The following COQ7 variants were observed in gnomAD, a reference collection of about 807,000 sequenced individuals.
COQ7 encodes coenzyme Q7, hydroxylase.
Under a neutral mutation model 25.0 loss-of-function variants are expected in COQ7, and 21 were observed. That is an observed-to-expected ratio of 0.84 (90% CI 0.60 to 1.21). The LOEUF is 1.21. COQ7 is among the 50% of genes most tolerant of loss of function. The pLI is 0.00. For synonymous variants in COQ7, 125 were observed against 112.4 expected, an observed-to-expected ratio of 1.11 and a Z score of -0.71; for missense variants, 311 against 296.2, an observed-to-expected ratio of 1.05 and a Z score of -0.37.
intron 2 of COQ7, among the ~76,000 whole-genome samples, chr16:19,073,540 C>T (rs755438450): frequency 6.6e-6 from 1 of 152,122 alleles, no homozygotes; most frequent in Non-Finnish European, 1.5e-5. Context: ...TTCTAGTAAT[C>T]TGGAAGGAAA....
chr16:19,070,881 C>T (rs1219777340), intron 1 of COQ7, among the ~76,000 whole-genome samples: 13 of 152,220 alleles, frequency 8.5e-5, no homozygotes, highest in Non-Finnish European at 1.5e-4. Context: ...CTGCAAAACT[C>T]CTCTCTGGCA....
intron 1 of COQ7, among the ~76,000 whole-genome samples, chr16:19,069,339 C>T (rs1287196775): frequency 6.6e-6 from 1 of 151,942 alleles, no homozygotes; most frequent in Non-Finnish European, 1.5e-5. Context: ...CTTATTTTAT[C>T]CTCATAACTC....
chr16:19,076,687 G>A (rs1962863673), intron 4 of COQ7, among the ~76,000 whole-genome samples: 1 of 149,924 alleles, frequency 6.7e-6, no homozygotes, highest in South Asian at 2.1e-4. Flanking sequence ...CGCCTCCCGG[G>A]TTCCAGCGAT....
In COQ7 at chr16:19,076,585, C is replaced by CTT. The variant is rs67725348; in HGVS notation, c.508-695_508-694dup. Among the ~76,000 whole-genome samples the CTT allele has an allele frequency of 3.7e-4, 30 of 80,522 alleles. 1 individual carries two copies. Among genetic ancestry groups the CTT allele is most frequent in the African/African-American group, 5.6e-4 (11 of 19,594 alleles). The allele number at this position is 80,522 out of a possible 152,430, so 52.8% of individuals were successfully genotyped here. ...GAGCCACACCACCTGGTGCTGTTCA[C>CTT]TTTTTTTTTTTTTTTTTTTTTTTTT... On this transcript the variant is annotated intron_variant, in intron 4 of 5. Transcript: ENST00000321998.
intron 5 of COQ7, 114 bp downstream of exon 5, chr16:19,077,488 G>GA: frequency 1.3e-6 from 1 of 742,186 alleles, no homozygotes; most frequent in Non-Finnish European, 2.1e-6. Context: ...GAAAGGGAGA[G>GA]AAAACCAATG....
chr16:19,068,891 T>TA (rs35205504), intron 1 of COQ7: 7,335 of 235,534 alleles, frequency 0.031, 55 homozygotes, highest in African/African-American at 0.1. Flanking sequence ...GAGTAATCAT[T>TA]AAAAAAAAAC....
At chr16:19,072,397 G>T in intron 2 of COQ7, 1 of 375,608 alleles carries the variant, frequency 2.7e-6, no homozygotes. Context: ...GCTCAGCACA[G>T]CAGTCAACTG....
Position 19,079,334 on chromosome 16 carries a change from T to G in COQ7, c.*1176T>G, listed in dbSNP as rs1963022436. On this transcript the variant is annotated 3_prime_UTR_variant, in exon 6 of 6. Transcript: ENST00000321998. ...GGGGTGTTGCTTCCATCAAAGGATG[T>G]ACTAAGTTGTGGATTATTTGTGAAA... 6.6e-6 allele frequency: 1 copy of G among 152,186 alleles called. No homozygotes were observed. Among genetic ancestry groups the G allele is most frequent in the East Asian group, 1.9e-4 (1 of 5,202 alleles). 9.4% of individuals were successfully genotyped at this position (152,186 alleles called of 1,614,324 possible).
intron 1 of COQ7, among the ~76,000 whole-genome samples, chr16:19,070,477 A>T (rs1483981467): frequency 1.3e-5 from 2 of 152,226 alleles, no homozygotes; most frequent in African/African-American, 4.8e-5. Context: ...TCACGCCTGT[A>T]ATCCCAGCAC....
rs1302648536 is a variant in COQ7 at position 19,078,939 on chromosome 16, GA to G, written c.*782del. On this transcript the variant is annotated 3_prime_UTR_variant, in exon 6 of 6. Coordinates refer to ENST00000321998, the MANE Select transcript of COQ7 (RefSeq NM_016138.5). ...ATCGTTTCTGTTTTGAATTGTGGGT[GA>G]TAATGGGTGGGAGAGTGCTACAGTC... 2.6e-5 allele frequency: 4 copies of G among 152,162 alleles called. No homozygotes were observed. The highest frequency in any genetic ancestry group is 2.6e-4 in the Admixed American group (4 of 15,266). 9.4% of individuals were successfully genotyped at this position (152,162 alleles called of 1,614,324 possible).
At chr16:19,080,749 A>C (rs1247285849), downstream of COQ7, among the ~76,000 whole-genome samples, 1 of 152,114 alleles carries the variant, frequency 6.6e-6, no homozygotes, top group African/African-American at 2.4e-5. Context: ...TATCAATTAT[A>C]ATTAGGGTTA....
chr16:19,077,120 G>C (rs540828393), intron 4 of COQ7, among the ~76,000 whole-genome samples, 186 bp from the exon 5 acceptor site: 42 of 152,110 alleles, frequency 2.8e-4, no homozygotes, highest in Non-Finnish European at 3.4e-4. Flanking sequence ...GCATGTCTCC[G>C]GCTGCTTTTC....
chr16:19,078,277 T>C lies in COQ7; in HGVS notation c.*119T>C. On this transcript the variant is annotated 3_prime_UTR_variant, in exon 6 of 6. Transcript: ENST00000321998. ...GTACAATGTGAATTTTGTTAATAAATTATAAGGTTTGTTTTTTTTTTTTTA... is the reference window on the plus strand; with the variant it reads ...GTACAATGTGAATTTTGTTAATAAACTATAAGGTTTGTTTTTTTTTTTTTA... The C allele has an allele frequency of 1.3e-6, 1 of 768,444 alleles. No individual in the cohort carries two copies. The highest frequency in any genetic ancestry group is 1.9e-6 in the Non-Finnish European group (1 of 525,660). 47.6% of individuals were successfully genotyped at this position (768,444 alleles called of 1,614,324 possible).
intron 5 of COQ7, 57 bp downstream of exon 5, chr16:19,077,431 G>A (rs570180742): frequency 5.1e-5 from 73 of 1,436,760 alleles, no homozygotes; most frequent in Non-Finnish European, 6.8e-5. Context: ...GAGGCTGAAG[G>A]GGCAGGAGGT....
chr16:19,076,677 C>T (rs979290077), intron 4 of COQ7, among the ~76,000 whole-genome samples: 3 of 150,716 alleles, frequency 2.0e-5, no homozygotes, highest in East Asian at 2.0e-4. Context: ...TTGCAGCCTC[C>T]GCCTCCCGGG....
downstream of COQ7, among the ~76,000 whole-genome samples, chr16:19,082,113 A>G (rs1453131536): frequency 6.6e-5 from 10 of 152,238 alleles, no homozygotes; most frequent in Admixed American, 2.6e-4. Flanking sequence ...ATGTCCATCA[A>G]CTGATGAACA....
At chr16:19,070,691 C>T (rs564494256) in intron 1 of COQ7, among the ~76,000 whole-genome samples, 66 of 151,658 alleles carry the variant, frequency 4.4e-4, no homozygotes, top group African/African-American at 1.5e-3. Context: ...GTGGAGTTTG[C>T]GGTGAGCCAA....
At chr16:19,075,581 C>T in intron 3 of COQ7, 140 bp from the exon 4 acceptor site, 1 of 827,944 alleles carries the variant, frequency 1.2e-6, no homozygotes. Context: ...AATATCCCAC[C>T]ATGCATGGGA....
At chr16:19,074,674 G>A (rs1188867913) in intron 3 of COQ7, among the ~76,000 whole-genome samples, 2 of 152,150 alleles carry the variant, frequency 1.3e-5, no homozygotes, top group African/African-American at 4.8e-5. Context: ...CTCTGAGCCT[G>A]AGTATCTTGG....
Sources: gnomAD v4.1 joint callset for allele counts (sites outside exome capture counted in the v4.1 genomes callset) on GRCh38, gnomAD v4.1.1 for gene constraint, MANE v1.5 for transcripts, NCBI Gene and HGNC (gene_info 2026-07-23, HGNC 2026-07-21) for gene names.